Variants in LAMA5 observed in about 807,000 individuals in gnomAD.
The protein encoded by LAMA5 is laminin subunit alpha 5.
LAMA5 carries 260 observed loss-of-function variants against 433.4 expected under a neutral mutation model. That is an observed-to-expected ratio of 0.60 (90% CI 0.54 to 0.66). LAMA5 has a LOEUF of 0.66. Among genes scored for constraint, LAMA5 ranks in the 30% least tolerant of loss-of-function variants. The pLI is 0.00. For synonymous variants in LAMA5, 2,620 were observed against 2,226.6 expected, an observed-to-expected ratio of 1.18 and a Z score of -4.97; for missense variants, 5,378 against 5,258.5, an observed-to-expected ratio of 1.02 and a Z score of -0.70.
rs1160452594 is a variant in LAMA5, at chr20:62,323,537, G to T, written c.5983C>A (p.Leu1995Met). The change falls in exon 45 of 80, where the codon CTG becomes ATG. Residue 1995 changes from leucine (L) to methionine (M), a missense_variant. By Grantham distance (15) the Leu-to-Met change is conservative. Coordinates refer to ENST00000252999, the MANE Select transcript of LAMA5 (RefSeq NM_005560.6). Reference protein sequence around the residue: ...DPLTGACRGCLRHTTGPRCEI... With the variant: ...DPLTGACRGCMRHTTGPRCEI... ...CAGCGGGGCCCAGTGGTGTGGCGCA[G>T]GCAGCCACGGCAGGCGCCCGTCAGG... The T allele has an allele frequency of 6.3e-7, 1 of 1,586,396 alleles. No individual in the cohort carries two copies. Among genetic ancestry groups the T allele is most frequent in the Admixed American group, 1.8e-5 (1 of 54,496 alleles).
chr20:62,340,907 C>T (rs543156501), intron 11 of LAMA5, among the ~76,000 whole-genome samples: 88 of 151,712 alleles, frequency 5.8e-4, no homozygotes, highest in Middle Eastern at 3.4e-3. Flanking sequence ...TGGTGGTGGG[C>T]GCCTATAATC....
rs536758924 is a variant in LAMA5, at chr20:62,317,463, G to A, written c.7393C>T (p.Arg2465Trp). The A allele has an allele frequency of 4.2e-5, 67 of 1,578,598 alleles. No individual in the cohort carries two copies. The highest frequency in any genetic ancestry group is 9.4e-5 in the African/African-American group (7 of 74,156). Reference sequence around the variant, plus strand: ...TGCATCCTCTGCAGCAGTGGGGTCCGAGCCCCATCCAGGCTGGCGGCGAGG... The same window carrying A: ...TGCATCCTCTGCAGCAGTGGGGTCCAAGCCCCATCCAGGCTGGCGGCGAGG... ...ERLAASLDGARTPLLQRMQTF... is the reference protein window; with the variant it reads ...ERLAASLDGAWTPLLQRMQTF... Residue 2465 changes from arginine to tryptophan, a missense_variant, in exon 55 of 80, where the codon CGG (arginine) becomes TGG (tryptophan). Coordinates refer to ENST00000252999, the MANE Select transcript of LAMA5 (RefSeq NM_005560.6).
intron 17 of LAMA5, 57 bp from the exon 18 acceptor site, chr20:62,336,502 C>A: frequency 7.1e-7 from 1 of 1,406,628 alleles, no homozygotes; most frequent in Non-Finnish European, 9.9e-7. Flanking sequence ...CACCCACAAA[C>A]CATAGAGCCA....
intron 28 of LAMA5, among the ~76,000 whole-genome samples, chr20:62,331,726 G>A (rs1303636853): frequency 6.6e-6 from 1 of 152,212 alleles, no homozygotes; most frequent in Non-Finnish European, 1.5e-5. Flanking sequence ...GGTGGGAGAC[G>A]CGGCTGCACA....
At chr20:62,325,758 C>T (rs1412340735) in intron 40 of LAMA5, among the ~76,000 whole-genome samples, 2 of 152,178 alleles carry the variant, frequency 1.3e-5, no homozygotes, top group Non-Finnish European at 2.9e-5. Context: ...CTCCAGATGC[C>T]TTAAGAATTG....
rs1172896257 is a variant in LAMA5, at chr20:62,312,364, A to G, written c.9360+36T>C. ...TGCCCGCGGGTGCCCCTGCATGTCCACAGATGCCACCCCCAGCCCGGGGAG... is the reference window on the plus strand; with the variant it reads ...TGCCCGCGGGTGCCCCTGCATGTCCGCAGATGCCACCCCCAGCCCGGGGAG... On this transcript the variant is annotated intron_variant, in intron 68 of 79. Coordinates refer to ENST00000252999, the MANE Select transcript of LAMA5 (RefSeq NM_005560.6). 4.4e-6 allele frequency: 7 copies of G among 1,601,170 alleles called. No homozygotes were observed. In the Admixed American group the frequency reaches 1.0e-4, roughly 23 times the overall value.
In LAMA5 at chr20:62,311,934, G is replaced by A. The variant is rs1986322111; in HGVS notation, c.9621C>T (p.Tyr3207=). Reference sequence around the variant, plus strand: ...GCCAGGCTCACCCCGTGGCATTGCTGTAGAAGGCGACGTAATGGGGGGCAC... The same window carrying A: ...GCCAGGCTCACCCCGTGGCATTGCTATAGAAGGCGACGTAATGGGGGGCAC... The part of the protein sequence containing the change: ...ADGAPHYVAF[Y]SNATGVWLYV... Residue 3207 remains tyrosine (Y), a synonymous_variant, in exon 70 of 80, where the codon TAC becomes TAT. Coordinates refer to ENST00000252999, the MANE Select transcript of LAMA5 (RefSeq NM_005560.6). 1 of 1,611,736 alleles carries A rather than the reference G, an allele frequency of 6.2e-7. No individual in the cohort carries two copies. The highest frequency in any genetic ancestry group is 8.5e-7 in the Non-Finnish European group (1 of 1,179,432).
Position 62,346,905 on chromosome 20 carries a change from GCACT to G in LAMA5, c.1072+4_1072+7del. 6.2e-7 allele frequency: 1 copy of G among 1,610,222 alleles called. No homozygotes were observed. Among genetic ancestry groups the G allele is most frequent in the Non-Finnish European group, 8.5e-7 (1 of 1,177,424 alleles). On this transcript the variant is annotated splice_donor_5th_base_variant and intron_variant, in intron 7 of 79. Coordinates refer to ENST00000252999, the MANE Select transcript of LAMA5 (RefSeq NM_005560.6). Reference sequence around the variant, plus strand: ...GCAGGACACACGTGTGTGGGAGGAGGCACTCACACTGGCACTCGTTGGCACTGTT... The same window carrying G: ...GCAGGACACACGTGTGTGGGAGGAGGCACACTGGCACTCGTTGGCACTGTT...
In LAMA5 at chr20:62,346,771, A is replaced by T. The variant is rs759133579; in HGVS notation, c.1102T>A (p.Cys368Ser). ...CGGTCCACCTCAGGGTCGTAGTAAC[A>T]GTCGGTGGCATGGCCGTAGCAGTTA... ...SCNCYGHATD[C>S]YYDPEVDRRR... The change falls in exon 8 of 80, where the codon TGT (cysteine) becomes AGT (serine). Residue 368 changes from cysteine (C) to serine (S), a missense_variant. Physicochemically the swap from Cys to Ser is moderately radical, Grantham distance 112. Transcript: ENST00000252999. 6.2e-7 allele frequency: 1 copy of T among 1,612,660 alleles called. No individual in the cohort carries two copies. Among genetic ancestry groups the T allele is most frequent in the East Asian group, 2.2e-5 (1 of 44,870 alleles).
intron 52 of LAMA5, 51 bp from the exon 53 acceptor site, chr20:62,318,701 T>C (rs1241078527): frequency 6.3e-7 from 1 of 1,590,894 alleles, no homozygotes; most frequent in South Asian, 1.1e-5. Context: ...GGCCCCTTCA[T>C]GACCCCTGGT....
In LAMA5 at chr20:62,310,219, G is replaced by A. The variant is rs146516865; in HGVS notation, c.10693C>T (p.Arg3565Trp). The A allele has an allele frequency of 8.0e-4, 1,288 of 1,612,570 alleles. 1 individual carries two copies. Among genetic ancestry groups the A allele is most frequent in the African/African-American group, 2.4e-3 (179 of 75,040 alleles). ...TGLIFHLGQARTPPYLQLQVT... is the reference protein window; with the variant it reads ...TGLIFHLGQAWTPPYLQLQVT... Reference sequence around the variant, plus strand: ...TGCAACTGCAAGTAGGGGGGCGTCCGGGCCTGGCCCAAGTGGAAGATCAGT... The same window carrying A: ...TGCAACTGCAAGTAGGGGGGCGTCCAGGCCTGGCCCAAGTGGAAGATCAGT... The change falls in exon 77 of 80, where the codon CGG becomes TGG. Residue 3565 changes from arginine (R) to tryptophan (W), a missense_variant. By Grantham distance (101) the Arg-to-Trp change is moderately radical. Transcript: ENST00000252999.
intron 48 of LAMA5, 41 bp downstream of exon 48, chr20:62,321,978 T>C (rs1235981774): frequency 1.3e-6 from 2 of 1,577,998 alleles, no homozygotes; most frequent in Non-Finnish European, 1.7e-6. Flanking sequence ...CTTGGATTCC[T>C]ACTCCATCAG....
In LAMA5 at chr20:62,322,129, C is replaced by T. The variant is rs750988687; in HGVS notation, c.6386G>A (p.Gly2129Asp). ...CPGGRCDPHT[G>D]RCNCPPGLSG... ...GAGCCCCGGGGGGCAGTTGCAGCGG[C>T]CCGTGTGAGGGTCACAGCGGCCCCC... The change falls in exon 48 of 80, where the codon GGC becomes GAC. Residue 2129 changes from glycine to aspartate, a missense_variant. Transcript: ENST00000252999. 6.2e-7 allele frequency: 1 copy of T among 1,602,816 alleles called. No homozygotes were observed. Among genetic ancestry groups the T allele is most frequent in the Non-Finnish European group, 8.5e-7 (1 of 1,178,176 alleles).
chr20:62,347,680 C>A (rs1020684281), intron 6 of LAMA5, among the ~76,000 whole-genome samples: 1 of 152,170 alleles, frequency 6.6e-6, no homozygotes. Flanking sequence ...AGAGACAAGG[C>A]CTGAGGTTGG....
rs1476194064 is a variant in LAMA5, at chr20:62,338,626, G to C, written c.1478-18C>G. 1 of 1,600,638 alleles carries C rather than the reference G, an allele frequency of 6.2e-7. No homozygotes were observed. Among genetic ancestry groups the C allele is most frequent in the Non-Finnish European group, 8.5e-7 (1 of 1,176,324 alleles). The stretch of plus-strand genomic sequence containing the variant: ...GTCACAATCTGGAGGGTGGGGACAG[G>C]CAGGGGAGTCTCAGATGCCCTGCAG... On this transcript the variant is annotated intron_variant, in intron 11 of 79. Transcript: ENST00000252999.
In LAMA5 at chr20:62,309,445, G is replaced by A; in HGVS notation, c.10979C>T (p.Ala3660Val). 6.3e-7 allele frequency: 1 copy of A among 1,584,416 alleles called. No individual in the cohort carries two copies. The highest frequency in any genetic ancestry group is 8.5e-7 in the Non-Finnish European group (1 of 1,174,610). ...EPMAVQPWPP[A>V]YCGCMRRLAV... is the part of the protein sequence containing the mutation. ...CAGCCTCCTCATGCAGCCGCAGTAG[G>A]CGGGGGGCCAGGGCTGCACGGCCAT... is the stretch of plus-strand genomic sequence containing the variant. Residue 3660 changes from alanine to valine, a missense_variant, in exon 80 of 80, where the codon GCC becomes GTC. Coordinates refer to ENST00000252999, the MANE Select transcript of LAMA5 (RefSeq NM_005560.6).
intron 1 of LAMA5, 78 bp from the exon 2 acceptor site, chr20:62,362,630 C>A: frequency 7.7e-7 from 1 of 1,294,394 alleles, no homozygotes; most frequent in South Asian, 1.7e-5. Context: ...CCTGCTGCCC[C>A]GAGACAAGTC....
chr20:62,317,680 G>T lies in LAMA5; in HGVS notation c.7338C>A (p.Ser2446Arg), dbSNP rs777672371. The change falls in exon 54 of 80, where the codon AGC (serine) becomes AGA (arginine). Residue 2446 changes from serine (S) to arginine (R), a missense_variant. By Grantham distance (110) the Ser-to-Arg change is moderately radical. Coordinates refer to ENST00000252999, the MANE Select transcript of LAMA5 (RefSeq NM_005560.6). ...CACTCACCTCCTTAGCCTGGTCCAG[G>T]CTGTGCAGCAATCTGAAGACGCTGG... ...TLASVFRLLH[S>R]LDQAKEELER... The T allele has an allele frequency of 4.4e-6, 7 of 1,594,426 alleles. No homozygotes were observed. The highest frequency in any genetic ancestry group is 6.0e-6 in the Non-Finnish European group (7 of 1,171,318).
intron 32 of LAMA5, among the ~76,000 whole-genome samples, chr20:62,329,522 C>T (rs1979954723): frequency 6.6e-6 from 1 of 152,228 alleles, no homozygotes; most frequent in African/African-American, 2.4e-5. Flanking sequence ...CCTTCCTCTT[C>T]CCTCTCCTTC....
Sources: allele counts gnomAD v4.1 joint callset (sites outside exome capture counted in the v4.1 genomes callset), GRCh38; gene constraint gnomAD v4.1.1; transcripts MANE v1.5; gene names NCBI Gene and HGNC (gene_info 2026-07-23, HGNC 2026-07-21).